The following PIK3C2G variants were observed in gnomAD, a reference collection of about 807,000 sequenced individuals.
PIK3C2G encodes the protein phosphatidylinositol-4-phosphate 3-kinase catalytic subunit type 2 gamma, also known as phosphatidylinositol 3-kinase C2 domain-containing subunit gamma.
Under a neutral mutation model 181.1 loss-of-function variants are expected in PIK3C2G, and 168 were observed. The ratio of observed to expected loss-of-function variants is 0.93; its 90% confidence interval spans 0.82 to 1.05. PIK3C2G has a LOEUF of 1.05. Ranked by LOEUF, PIK3C2G falls within the 50% of genes least tolerant of loss-of-function variation. The probability of loss-of-function intolerance (pLI) is 0.00; values close to 1 mark genes in which losing one functional copy is unlikely to be tolerated. For missense variants in PIK3C2G, 1,869 were observed against 1,732.8 expected (o/e 1.08, Z -1.40); for synonymous variants, 573 against 592.2 (o/e 0.97, Z 0.47).
chr12:18,381,543 T>C (rs1942834267), intron 13 of PIK3C2G, among the ~76,000 whole-genome samples: 1 of 152,184 alleles, frequency 6.6e-6, no homozygotes, highest in Non-Finnish European at 1.5e-5. Flanking sequence ...ATGTGCAAAA[T>C]AAATGTAGGC....
At chr12:18,395,437 G>A (rs965260856) in intron 15 of PIK3C2G, among the ~76,000 whole-genome samples, 12 of 149,278 alleles carry the variant, frequency 8.0e-5, no homozygotes, top group Non-Finnish European at 1.5e-4. Flanking sequence ...CAAAAATTAA[G>A]GCCAAATGAA....
intron 26 of PIK3C2G, among the ~76,000 whole-genome samples, chr12:18,559,940 T>TC (rs1453386113): frequency 6.8e-6 from 1 of 148,098 alleles, no homozygotes; most frequent in Non-Finnish European, 1.5e-5. Context: ...ACCTCCCAGA[T>TC]CCAAGCAATT....
At chr12:18,316,688 C>T (rs972969235) in intron 6 of PIK3C2G, among the ~76,000 whole-genome samples, 5 of 151,938 alleles carry the variant, frequency 3.3e-5, no homozygotes, top group African/African-American at 1.2e-4. Context: ...TGAGATCGCG[C>T]TACTGCACTC....
chr12:18,277,811 T>C (rs773173754), intron 1 of PIK3C2G, among the ~76,000 whole-genome samples: 7 of 152,186 alleles, frequency 4.6e-5, no homozygotes, highest in Non-Finnish European at 7.4e-5. Context: ...GTCCTTTTTC[T>C]GATAGGTGTC....
chr12:18,439,547 T>C (rs1391832572), intron 18 of PIK3C2G, among the ~76,000 whole-genome samples: 2 of 151,958 alleles, frequency 1.3e-5, no homozygotes, highest in Non-Finnish European at 2.9e-5. Context: ...ACTCCATAAT[T>C]TGACTTGCTT....
At chr12:18,419,315 T>C (rs1202699513) in intron 16 of PIK3C2G, among the ~76,000 whole-genome samples, 1 of 152,182 alleles carries the variant, frequency 6.6e-6, no homozygotes, top group Non-Finnish European at 1.5e-5. Context: ...CAGGGAAGCA[T>C]GGGCGACTGA....
the PIK3C2G span, chr12:18,713,831 A>T: frequency 1.3e-5 from 2 of 152,190 alleles, no homozygotes; most frequent in Non-Finnish European, 2.9e-5. Flanking sequence ...TCTACCTAAA[A>T]AATAAATATT....
At chr12:18,324,956 T>G in intron 7 of PIK3C2G, 79 bp from the exon 8 acceptor site, 1 of 705,630 alleles carries the variant, frequency 1.4e-6, no homozygotes, top group Non-Finnish European at 2.4e-6. Flanking sequence ...CAAAACAATT[T>G]GTGATAAATG....
At chr12:18,269,915 T>TTC (rs1403919596) in intron 1 of PIK3C2G, among the ~76,000 whole-genome samples, 1 of 146,926 alleles carries the variant, frequency 6.8e-6, no homozygotes, top group Non-Finnish European at 1.5e-5. Flanking sequence ...TTCTTTTCTT[T>TTC]TTTTTTTTTT....
intron 24 of PIK3C2G, among the ~76,000 whole-genome samples, chr12:18,519,831 G>A (rs1379101355): frequency 6.6e-6 from 1 of 151,512 alleles, no homozygotes; most frequent in Non-Finnish European, 1.5e-5. Flanking sequence ...TTATATTTTG[G>A]TGTGTTTTTG....
the PIK3C2G span, among the ~76,000 whole-genome samples, chr12:18,709,967 C>T: frequency 2.0e-5 from 3 of 151,580 alleles, no homozygotes; most frequent in Non-Finnish European, 2.9e-5. Flanking sequence ...TCACTATTTG[C>T]GTATAAAAAT....
At chr12:18,332,574 C>A (rs1480262820) in intron 8 of PIK3C2G, among the ~76,000 whole-genome samples, 1 of 152,068 alleles carries the variant, frequency 6.6e-6, no homozygotes, top group Non-Finnish European at 1.5e-5. Context: ...ATCTTGGACC[C>A]AAGACAACTT....
At position 18,343,642 on chromosome 12, in the gene PIK3C2G, A is replaced by G. The variant is rs973641757; in HGVS notation, c.1429+282A>G. On this transcript the variant is annotated intron_variant, in intron 10 of 32. Coordinates refer to ENST00000538779, the MANE Select transcript of PIK3C2G (RefSeq NM_001288772.2). ...AAATAAAAAGATCTATAAAAATTAT[A>G]ATACTGAAAATATCTTATAACCATT... Among the ~76,000 whole-genome samples the G allele has an allele frequency of 3.6e-4, 54 of 152,090 alleles. 2 individuals carry two copies. Among genetic ancestry groups the G allele is most frequent in the Non-Finnish European group, 7.4e-5 (5 of 68,006 alleles).
chr12:18,717,866 G>A, the PIK3C2G span, among the ~76,000 whole-genome samples: 4 of 152,038 alleles, frequency 2.6e-5, no homozygotes, highest in Non-Finnish European at 4.4e-5. Context: ...AAGAAAATAC[G>A]CATTCAGTGG....
Position 18,562,784 on chromosome 12 carries a change from C to G in PIK3C2G, c.3672C>G (p.Ser1224Arg), listed in dbSNP as rs751755551. 6.2e-7 allele frequency: 1 copy of G among 1,607,550 alleles called. No individual in the cohort carries two copies. The highest frequency in any genetic ancestry group is 1.1e-5 in the South Asian group (1 of 89,798). Reference sequence around the variant, plus strand: ...CACTTGCACAAATGTCAGCCATAAGCCCTGCCAAATCTACTTCACAGACTT... The same window carrying G: ...CACTTGCACAAATGTCAGCCATAAGGCCTGCCAAATCTACTTCACAGACTT... ...IHTLAQMSAI[S>R]PAKSTSQTFP... Residue 1224 changes from serine (S) to arginine (R), a missense_variant, in exon 27 of 33, where the codon AGC (serine) becomes AGG (arginine). Transcript: ENST00000538779.
chr12:18,651,487 C>T (rs1737600538), downstream of PIK3C2G, among the ~76,000 whole-genome samples: 1 of 152,148 alleles, frequency 6.6e-6, no homozygotes, highest in South Asian at 2.1e-4. Flanking sequence ...AGGCAATTAG[C>T]CATAAGACTA....
chr12:18,616,602 C>G (rs1417845461), intron 31 of PIK3C2G, among the ~76,000 whole-genome samples: 1 of 152,064 alleles, frequency 6.6e-6, no homozygotes, highest in Non-Finnish European at 1.5e-5. Context: ...ACATAGCCAT[C>G]AATGGATATG....
chr12:18,649,825 T>C (rs896719091), downstream of PIK3C2G, among the ~76,000 whole-genome samples: 1 of 152,180 alleles, frequency 6.6e-6, no homozygotes, highest in African/African-American at 2.4e-5. Context: ...TCCAATACCC[T>C]ACATCCTCTT....
chr12:18,391,273 G>T, intron 15 of PIK3C2G, 21 bp downstream of exon 15: 1 of 1,537,086 alleles, frequency 6.5e-7, no homozygotes, highest in South Asian at 1.3e-5. Context: ...TAGGTCTTGT[G>T]AATGAATTTT....
Sources: gnomAD v4.1 joint callset for allele counts (sites outside exome capture counted in the v4.1 genomes callset) on GRCh38, gnomAD v4.1.1 for gene constraint, MANE v1.5 for transcripts, NCBI Gene and HGNC (gene_info 2026-07-23, HGNC 2026-07-21) for gene names.